The following NDNF variants were observed in gnomAD, a reference collection of about 807,000 sequenced individuals.
NDNF encodes the protein neuron derived neurotrophic factor.
Under a neutral mutation model 42.0 loss-of-function variants are expected in NDNF, and 16 were observed. The ratio of observed to expected loss-of-function variants is 0.38; its 90% confidence interval spans 0.26 to 0.58. The LOEUF is 0.58. Ranked by LOEUF, NDNF falls within the 20% of genes least tolerant of loss-of-function variation. The pLI is 0.67. For missense variants in NDNF, 616 were observed against 666.2 expected, an observed-to-expected ratio of 0.92 and a Z score of 0.83; for synonymous variants, 248 against 251.7, an observed-to-expected ratio of 0.99 and a Z score of 0.14.
chr4:121,057,609 C>A (rs1170607217), intron 1 of NDNF, among the ~76,000 whole-genome samples: 5 of 152,172 alleles, frequency 3.3e-5, no homozygotes, highest in Admixed American at 3.3e-4. Flanking sequence ...GGCTCTCCGG[C>A]TCGCCCAGCC....
At chr4:121,043,244 T>C (rs1380325431) in intron 2 of NDNF, among the ~76,000 whole-genome samples, 2 of 152,224 alleles carry the variant, frequency 1.3e-5, no homozygotes, top group Non-Finnish European at 2.9e-5. Context: ...ATGAGCCATT[T>C]AGCCTTTGGA....
At chr4:121,062,516 C>T (rs956849682) in intron 1 of NDNF, among the ~76,000 whole-genome samples, 3 of 152,126 alleles carry the variant, frequency 2.0e-5, no homozygotes, top group African/African-American at 7.2e-5. Context: ...ACAGACAGAT[C>T]CCACAGTCAT....
Position 121,055,631 on chromosome 4 carries a change from A to ATAAAAAATAACACATT in NDNF, c.-1-9794_-1-9793insAATGTGTTATTTTTTA, listed in dbSNP as rs1392668587. On this transcript the variant is annotated intron_variant, in intron 1 of 3. Coordinates refer to ENST00000379692, the MANE Select transcript of NDNF (RefSeq NM_024574.4). ...ATTAGAAGAAAGGAGAAAAAGAGGA[A>ATAAAAAATAACACATT]GGCATTCTCTTTAAATGATGAGAAA... is the stretch of plus-strand genomic sequence containing the variant. 1.8e-4 allele frequency among the ~76,000 whole-genome samples: 27 copies of ATAAAAAATAACACATT among 151,884 alleles called. 1 individual carries two copies. The East Asian group carries it at 2.2e-3, about 12-fold the overall frequency.
intron 1 of NDNF, among the ~76,000 whole-genome samples, chr4:121,058,200 C>T (rs1376309287): frequency 6.6e-6 from 1 of 152,134 alleles, no homozygotes; most frequent in African/African-American, 2.4e-5. Flanking sequence ...TTTCAAGAAG[C>T]TAACAGCAGA....
At chr4:121,070,795 C>T (rs1300934714) in intron 1 of NDNF, among the ~76,000 whole-genome samples, 1 of 152,158 alleles carries the variant, frequency 6.6e-6, no homozygotes, top group Non-Finnish European at 1.5e-5. Context: ...TCATTTCCCG[C>T]TCAAGGTCTT....
In NDNF at chr4:121,036,936, T is replaced by G. The variant is rs3733558; in HGVS notation, c.1035A>C (p.Leu345=). Residue 345 remains leucine (L), a synonymous_variant, in exon 4 of 4, where the codon CTA becomes CTC. Coordinates refer to ENST00000379692, the MANE Select transcript of NDNF (RefSeq NM_024574.4). ...ATACATCTGTTATCTTCCCATCTTT[T>G]AGCTCGACTGTCTTCTGTTTGGCTT... ...KEEAKQKTVE[L]KDGKITDVFV... The G allele has an allele frequency of 0.58, 936,938 of 1,613,440 alleles. 281,783 individuals carry two copies. Among genetic ancestry groups the G allele is most frequent in the East Asian group, 0.65 (29,039 of 44,822 alleles).
chr4:121,066,941 T>C (rs1727508979), intron 1 of NDNF, among the ~76,000 whole-genome samples: 1 of 152,234 alleles, frequency 6.6e-6, no homozygotes, highest in African/African-American at 2.4e-5. Context: ...TGACAGAAAC[T>C]TGTACAGTCT....
chr4:121,050,746 A>C, intron 1 of NDNF, among the ~76,000 whole-genome samples: 1 of 152,160 alleles, frequency 6.6e-6, no homozygotes, highest in Admixed American at 6.5e-5. Context: ...GTGTTGTCAA[A>C]GGCCTTCTTC....
chr4:121,039,109 C>T (rs1470249761), intron 3 of NDNF: 1 of 139,782 alleles, frequency 7.2e-6, no homozygotes, highest in African/African-American at 2.7e-5. Context: ...TATAGCTAGC[C>T]TTTGTAGATA....
intron 1 of NDNF, among the ~76,000 whole-genome samples, chr4:121,065,397 G>A (rs1727483070): frequency 6.6e-6 from 1 of 151,620 alleles, no homozygotes; most frequent in Non-Finnish European, 1.5e-5. Flanking sequence ...AACAGAAGCT[G>A]AATATCTGTT....
intron 1 of NDNF, among the ~76,000 whole-genome samples, chr4:121,065,609 A>AG (rs1727486290): frequency 6.6e-6 from 1 of 151,786 alleles, no homozygotes; most frequent in South Asian, 2.1e-4. Flanking sequence ...GGTCTCTAAA[A>AG]GGGGGTGTCC....
intron 1 of NDNF, among the ~76,000 whole-genome samples, chr4:121,054,627 C>T (rs905796335): frequency 6.6e-6 from 1 of 152,164 alleles, no homozygotes; most frequent in Non-Finnish European, 1.5e-5. Context: ...AAATAAATGT[C>T]AGGAGAAAAA....
intron 1 of NDNF, among the ~76,000 whole-genome samples, chr4:121,056,408 C>T (rs1727297340): frequency 6.6e-6 from 1 of 152,156 alleles, no homozygotes; most frequent in African/African-American, 2.4e-5. Context: ...CAGGGCAGGT[C>T]AGCAATCTTT....
chr4:121,039,182 GTGTGTGTGTGTATATATATATA>G (rs1560603186), intron 3 of NDNF, among the ~76,000 whole-genome samples: 22 of 13,814 alleles, frequency 1.6e-3, no homozygotes, highest in East Asian at 0.011. Flanking sequence ...AAGACTATGT[GTGTGTGTGTGTATATATATATA>G]TATATATATA....
intron 1 of NDNF, among the ~76,000 whole-genome samples, chr4:121,050,516 T>C (rs1026706675): frequency 6.6e-6 from 1 of 152,212 alleles, no homozygotes; most frequent in Non-Finnish European, 1.5e-5. Context: ...AATCTTGCTA[T>C]CTTTCTACAA....
intron 1 of NDNF, among the ~76,000 whole-genome samples, chr4:121,061,852 C>A (rs554258828): frequency 6.6e-6 from 1 of 152,130 alleles, no homozygotes; most frequent in Non-Finnish European, 1.5e-5. Context: ...CTGATTAAAC[C>A]ATGATCGGCT....
rs1009179682 is a variant in NDNF, at chr4:121,066,040, G to A, written c.-2+5953C>T. Among the ~76,000 whole-genome samples the A allele has an allele frequency of 1.1e-4, 16 of 152,156 alleles. No individual in the cohort carries two copies. In the East Asian group the frequency reaches 3.1e-3, roughly 29 times the overall value. On this transcript the variant is annotated intron_variant, in intron 1 of 3. Coordinates refer to ENST00000379692, the MANE Select transcript of NDNF (RefSeq NM_024574.4). ...GTTTTGGTACCCTGAGAGGCCCTGG[G>A]AGCAGGGTGGCTTCCCTGGTACCTC...
At chr4:121,062,477 G>A (rs1241218955) in intron 1 of NDNF, among the ~76,000 whole-genome samples, 2 of 152,132 alleles carry the variant, frequency 1.3e-5, no homozygotes, top group Non-Finnish European at 2.9e-5. Flanking sequence ...GATGATTAAA[G>A]AAAAGTACAC....
intron 1 of NDNF, chr4:121,071,392 G>A (rs1432716535): frequency 6.6e-6 from 1 of 152,372 alleles, no homozygotes; most frequent in Non-Finnish European, 1.5e-5. Flanking sequence ...CGGGCCAACC[G>A]AACTCCCGGC....
Sources: allele counts gnomAD v4.1 joint callset (sites outside exome capture counted in the v4.1 genomes callset), GRCh38; gene constraint gnomAD v4.1.1; transcripts MANE v1.5; gene names NCBI Gene and HGNC (gene_info 2026-07-23, HGNC 2026-07-21).